Variants in ASTN2 observed in about 807,000 individuals in gnomAD.
The protein encoded by ASTN2 is astrotactin-2.
A neutral mutation model predicts 139.8 loss-of-function variants in ASTN2; 54 were observed. The ratio of observed to expected loss-of-function variants is 0.39; its 90% confidence interval spans 0.31 to 0.48. The LOEUF is 0.48. Among genes scored for constraint, ASTN2 ranks in the 20% least tolerant of loss-of-function variants. The probability of loss-of-function intolerance (pLI) is 0.95; values close to 1 mark genes in which losing one functional copy is unlikely to be tolerated. For synonymous variants in ASTN2, 756 were observed against 719.5 expected (o/e 1.05, Z -0.81); for missense variants, 1,565 against 1,725.1 (o/e 0.91, Z 1.64).
intron 20 of ASTN2, among the ~76,000 whole-genome samples, chr9:116,448,621 T>C (rs1280626435): frequency 6.6e-6 from 1 of 152,250 alleles, no homozygotes; most frequent in Non-Finnish European, 1.5e-5. Context: ...ATCTGGATTC[T>C]ACCTGGGCAG....
At chr9:117,149,808 A>T (rs955500416) in intron 3 of ASTN2, among the ~76,000 whole-genome samples, 4 of 152,184 alleles carry the variant, frequency 2.6e-5, no homozygotes, top group African/African-American at 7.2e-5. Flanking sequence ...ACACATTTTT[A>T]AAAAATGGCT....
chr9:117,052,934 A>T (rs1413284938), intron 5 of ASTN2, among the ~76,000 whole-genome samples: 1 of 152,248 alleles, frequency 6.6e-6, no homozygotes, highest in East Asian at 1.9e-4. Flanking sequence ...TGGACTGGAT[A>T]TCATGCCAGG....
chr9:116,626,159 T>TG (rs1399274622), intron 17 of ASTN2, among the ~76,000 whole-genome samples: 1 of 118,742 alleles, frequency 8.4e-6, no homozygotes, highest in Non-Finnish European at 1.7e-5. Context: ...TTTGTGTTTT[T>TG]TTTTTTTTTT....
chr9:116,677,002 G>T (rs1458036475), intron 16 of ASTN2, among the ~76,000 whole-genome samples: 1 of 152,212 alleles, frequency 6.6e-6, no homozygotes, highest in African/African-American at 2.4e-5. Context: ...AATATTGGCC[G>T]CTTGGCATGG....
intron 4 of ASTN2, among the ~76,000 whole-genome samples, chr9:117,099,208 T>C (rs892610255): frequency 6.6e-6 from 1 of 152,116 alleles, no homozygotes; most frequent in Non-Finnish European, 1.5e-5. Context: ...TTCTCTTATG[T>C]TCAGAAAACA....
At chr9:117,202,455 T>A (rs2132993049) in intron 3 of ASTN2, among the ~76,000 whole-genome samples, 1 of 152,282 alleles carries the variant, frequency 6.6e-6, no homozygotes, top group South Asian at 2.1e-4. Context: ...CATATTTTGG[T>A]GTATTTTTGC....
chr9:117,048,582 C>T (rs1248591791), intron 5 of ASTN2, among the ~76,000 whole-genome samples: 2 of 152,176 alleles, frequency 1.3e-5, no homozygotes, highest in East Asian at 1.9e-4. Flanking sequence ...TTCTCTGTGG[C>T]AACTGCAGGT....
chr9:117,414,698 T>C lies in ASTN2; in HGVS notation c.241A>G (p.Ile81Val). 9 of 1,255,516 alleles carry C rather than the reference T, an allele frequency of 7.2e-6. No homozygotes were observed. The highest frequency in any genetic ancestry group is 3.2e-4 in the Middle Eastern group (1 of 3,168). 77.8% of individuals were successfully genotyped at this position (1,255,516 alleles called of 1,614,324 possible). ...CCGGCGCGGGCGCCGCTCCAGCCGA[T>C]GTCGCTCTCCCGCAGGGCGGGCAGT... ...STLPALRESDIGWSGARAGAG... is the reference protein window; with the variant it reads ...STLPALRESDVGWSGARAGAG... Residue 81 changes from isoleucine to valine, a missense_variant, in exon 1 of 23, where the codon ATC becomes GTC. Ile to Val is a conservative substitution (Grantham distance 29). Coordinates refer to ENST00000313400, the MANE Select transcript of ASTN2 (RefSeq NM_001365068.1). This position sits in a 1 kb window ranked among gnomAD's most constrained non-coding sequence, Gnocchi z 4.2.
chr9:117,369,002 TG>T (rs1157350569), intron 1 of ASTN2, among the ~76,000 whole-genome samples: 16 of 152,132 alleles, frequency 1.1e-4, no homozygotes, highest in African/African-American at 3.9e-4. Context: ...GAAACTAAAG[TG>T]TTGCTAATGA....
intron 19 of ASTN2, among the ~76,000 whole-genome samples, chr9:116,599,430 G>T (rs1182194328): frequency 6.6e-6 from 1 of 152,224 alleles, no homozygotes; most frequent in African/African-American, 2.4e-5. Context: ...TAAAGGGGAT[G>T]AATGATTATT....
At chr9:117,284,617 G>T (rs758602430) in intron 2 of ASTN2, among the ~76,000 whole-genome samples, 1 of 152,194 alleles carries the variant, frequency 6.6e-6, no homozygotes, top group African/African-American at 2.4e-5. Context: ...AGGATTGTGA[G>T]ATAATAAATG....
chr9:117,109,756 T>C (rs1829203394), intron 4 of ASTN2, among the ~76,000 whole-genome samples: 1 of 152,216 alleles, frequency 6.6e-6, no homozygotes, highest in African/African-American at 2.4e-5. Context: ...TTTAAAAGTT[T>C]GTTTTACCTT....
rs1370603286 is a variant in ASTN2 at position 117,313,694 on chromosome 9, A to G, written c.443-22181T>C. Among the ~76,000 whole-genome samples the G allele has an allele frequency of 2.0e-5, 3 of 152,278 alleles. No homozygotes were observed. In the East Asian group the frequency reaches 5.8e-4, roughly 29 times the overall value. On this transcript the variant is annotated intron_variant, in intron 1 of 22. Coordinates refer to ENST00000313400, the MANE Select transcript of ASTN2 (RefSeq NM_001365068.1). ...CAAACTCCCCAAGCCAGGAGCCTCC[A>G]GAACCAGCCAGTTAGACACTTGGAA...
chr9:116,726,031 C>T (rs565546231), intron 15 of ASTN2, 81 bp from the exon 16 acceptor site: 2 of 1,410,498 alleles, frequency 1.4e-6, no homozygotes, highest in Admixed American at 2.0e-5. Flanking sequence ...AGGAGTTCTT[C>T]CCAACCTGTA....
At chr9:117,069,970 C>G (rs1260148621) in intron 5 of ASTN2, among the ~76,000 whole-genome samples, 1 of 142,340 alleles carries the variant, frequency 7.0e-6, no homozygotes, top group Non-Finnish European at 1.5e-5. Context: ...TCCAATTTGC[C>G]AGTCTGTGTC....
chr9:117,226,609 G>A (rs1832721271), intron 2 of ASTN2, among the ~76,000 whole-genome samples: 1 of 120,018 alleles, frequency 8.3e-6, no homozygotes, highest in Non-Finnish European at 1.8e-5. Context: ...TTGTTTGTTT[G>A]TTTGTTTTTT....
At chr9:117,124,506 T>C (rs1829637524) in intron 4 of ASTN2, among the ~76,000 whole-genome samples, 2 of 152,198 alleles carry the variant, frequency 1.3e-5, no homozygotes, top group Admixed American at 1.3e-4. Flanking sequence ...TCATTAATAT[T>C]GTATATAATC....
intron 4 of ASTN2, among the ~76,000 whole-genome samples, chr9:117,132,546 T>C (rs1307509192): frequency 3.9e-5 from 6 of 152,174 alleles, no homozygotes; most frequent in Admixed American, 6.5e-5. Flanking sequence ...GAGAGCCCCC[T>C]GATGTATTTC....
intron 4 of ASTN2, among the ~76,000 whole-genome samples, chr9:117,107,501 TAGTA>T (rs1829136962): frequency 6.6e-6 from 1 of 152,214 alleles, no homozygotes. Flanking sequence ...TTTCAAATCT[TAGTA>T]ATTTTGATAT....
Sources: allele counts gnomAD v4.1 joint callset (sites outside exome capture counted in the v4.1 genomes callset), GRCh38; gene constraint gnomAD v4.1.1; non-coding constraint Gnocchi (gnomAD v3.1); transcripts MANE v1.5; gene names NCBI Gene and HGNC (gene_info 2026-07-23, HGNC 2026-07-21).